VEGFC: variants seen among roughly 807,000 people sequenced by gnomAD.
VEGFC encodes the protein FLT4 ligand DHM.
Under a neutral mutation model 46.1 loss-of-function variants are expected in VEGFC, and 12 were observed. That is an observed-to-expected ratio of 0.26 (90% CI 0.17 to 0.42). The LOEUF is 0.42. Among genes scored for constraint, VEGFC ranks in the 10% least tolerant of loss-of-function variants. The pLI is 1.00. For missense variants in VEGFC, 488 were observed against 529.4 expected (o/e 0.92, Z 0.77); for synonymous variants, 232 against 195.5 (o/e 1.19, Z -1.56).
rs367633215 is a variant in VEGFC at position 176,775,585 on chromosome 4, ATGTAT to A, written c.147+16575_147+16579del. Among the ~76,000 whole-genome samples, 279 of 152,300 alleles carry A rather than the reference ATGTAT, an allele frequency of 1.8e-3. 1 individual carries two copies. Among genetic ancestry groups the A allele is most frequent in the African/African-American group, 6.5e-3 (269 of 41,568 alleles). ...AGATGAGAAGATAAGCTTATAGGCC[ATGTAT>A]TGTATTTCCAGCTGTTTTAAATTTA... is the stretch of plus-strand genomic sequence containing the variant. On this transcript the variant is annotated intron_variant, in intron 1 of 6. Transcript: ENST00000618562.
chr4:176,732,596 C>A (rs1734985908), intron 1 of VEGFC, among the ~76,000 whole-genome samples: 1 of 151,702 alleles, frequency 6.6e-6, no homozygotes, highest in Non-Finnish European at 1.5e-5. Flanking sequence ...CCCAATTTCT[C>A]CTTCAGTGGA....
At chr4:176,697,765 G>A (rs1734346812) in intron 4 of VEGFC, among the ~76,000 whole-genome samples, 1 of 151,358 alleles carries the variant, frequency 6.6e-6, no homozygotes, top group Non-Finnish European at 1.5e-5. Context: ...ACTGGATTAA[G>A]AAAATGTGGC....
chr4:176,746,483 T>G (rs1417744047), intron 1 of VEGFC, among the ~76,000 whole-genome samples: 2 of 152,092 alleles, frequency 1.3e-5, no homozygotes, highest in African/African-American at 4.8e-5. Flanking sequence ...TGCATTAATT[T>G]TTAAAGGAAA....
chr4:176,694,273 G>C (rs907185238), intron 4 of VEGFC, among the ~76,000 whole-genome samples: 7 of 151,224 alleles, frequency 4.6e-5, no homozygotes, highest in Non-Finnish European at 8.9e-5. Flanking sequence ...CAAAATAAAA[G>C]GATGGAGGAA....
At chr4:176,784,583 T>TA (rs1225418565) in intron 1 of VEGFC, among the ~76,000 whole-genome samples, 1 of 150,278 alleles carries the variant, frequency 6.7e-6, no homozygotes, top group Middle Eastern at 3.4e-3. Context: ...CCGTCTCTAC[T>TA]AAAAAAATAT....
chr4:176,696,557 G>T (rs547733196), intron 4 of VEGFC, among the ~76,000 whole-genome samples: 1 of 150,338 alleles, frequency 6.7e-6, no homozygotes, highest in African/African-American at 2.5e-5. Flanking sequence ...TGGCCATACT[G>T]CCCAAGGTAA....
intron 1 of VEGFC, among the ~76,000 whole-genome samples, chr4:176,763,796 C>CAGT (rs2110914996): frequency 6.6e-6 from 1 of 152,150 alleles, no homozygotes; most frequent in South Asian, 2.1e-4. Flanking sequence ...TTATTGTAAT[C>CAGT]AGTACTTTAG....
At position 176,792,222 on chromosome 4, in the gene VEGFC, G is replaced by C; in HGVS notation, c.90C>G (p.Ala30=). 6.4e-7 allele frequency: 1 copy of C among 1,560,084 alleles called. No homozygotes were observed. Among genetic ancestry groups the C allele is most frequent in the Non-Finnish European group, 8.7e-7 (1 of 1,155,886 alleles). ...AGAGGTCGAGTCCGGACTCGAAGGC[G>C]GCGGCGGCGGCGGGCGCCTCGCGAG... The part of the protein sequence containing the change: ...PGPREAPAAA[A]AFESGLDLSD... The change falls in exon 1 of 7, where the codon GCC becomes GCG. Residue 30 remains alanine, a synonymous_variant. Transcript: ENST00000618562. The surrounding 1 kb of genome is among the most constrained non-coding windows in gnomAD (Gnocchi z 6.3).
rs1219707472 is a variant in VEGFC, at chr4:176,763,062, A to AT, written c.147+29102_147+29103insA. ...CTCCTCCTTGGGATATAATCAGGAG[A>AT]AAGCTCTCATCCTAGTTGTGGTCTG... On this transcript the variant is annotated intron_variant, in intron 1 of 6. Coordinates refer to ENST00000618562, the MANE Select transcript of VEGFC (RefSeq NM_005429.5). Among the ~76,000 whole-genome samples, 38 of 152,384 alleles carry AT rather than the reference A, an allele frequency of 2.5e-4. 1 individual carries two copies. Among genetic ancestry groups the AT allele is most frequent in the African/African-American group, 8.9e-4 (37 of 41,596 alleles).
intron 4 of VEGFC, among the ~76,000 whole-genome samples, chr4:176,703,455 G>A (rs1257189096): frequency 6.6e-6 from 1 of 152,034 alleles, no homozygotes; most frequent in Non-Finnish European, 1.5e-5. Flanking sequence ...TAGAATGATG[G>A]TTACTAGAGT....
At chr4:176,717,146 G>A (rs2111004976) in intron 3 of VEGFC, among the ~76,000 whole-genome samples, 1 of 152,176 alleles carries the variant, frequency 6.6e-6, no homozygotes. Flanking sequence ...TGTGTCCAAT[G>A]TAGGACACAA....
At chr4:176,719,897 T>C (rs1460957741) in intron 3 of VEGFC, among the ~76,000 whole-genome samples, 1 of 151,812 alleles carries the variant, frequency 6.6e-6, no homozygotes, top group Non-Finnish European at 1.5e-5. Context: ...CCTATCTCTA[T>C]TAAAATACAA....
intron 1 of VEGFC, among the ~76,000 whole-genome samples, chr4:176,770,505 A>T (rs1335728671): frequency 1.3e-5 from 2 of 149,212 alleles, no homozygotes; most frequent in Admixed American, 1.3e-4. Context: ...GTCTCTTTTA[A>T]AACCTGACAT....
intron 1 of VEGFC, among the ~76,000 whole-genome samples, chr4:176,737,286 T>TATATAGAATATGTTTATAATATATAA (rs1735072417): frequency 2.1e-5 from 3 of 146,074 alleles, no homozygotes; most frequent in African/African-American, 7.4e-5. Flanking sequence ...GTTTATAATA[T>TATATAGAATATGTTTATAATATATAA]ATATAGAATA....
At chr4:176,689,047 G>C (rs13143169) in intron 4 of VEGFC, among the ~76,000 whole-genome samples, 66,520 of 151,936 alleles carry the variant, frequency 0.44, 14,906 homozygotes, top group African/African-American at 0.52. Context: ...TTTTAAATAT[G>C]CTAATTTACA....
At chr4:176,698,112 T>C (rs1426949033) in intron 4 of VEGFC, among the ~76,000 whole-genome samples, 1 of 151,524 alleles carries the variant, frequency 6.6e-6, no homozygotes, top group Non-Finnish European at 1.5e-5. Flanking sequence ...TGTGCACATG[T>C]ACCCTAAAAC....
intron 4 of VEGFC, among the ~76,000 whole-genome samples, chr4:176,691,157 T>C (rs979040518): frequency 6.6e-6 from 1 of 152,166 alleles, no homozygotes; most frequent in Non-Finnish European, 1.5e-5. Context: ...AAAATATTTT[T>C]ATTTTAGAAT....
intron 3 of VEGFC, among the ~76,000 whole-genome samples, chr4:176,712,861 T>C (rs1734640631): frequency 6.6e-6 from 1 of 152,212 alleles, no homozygotes; most frequent in African/African-American, 2.4e-5. Context: ...TATATATTCA[T>C]TTAAAATGTA....
chr4:176,784,063 GTTTT>G (rs66870525), intron 1 of VEGFC, among the ~76,000 whole-genome samples: 1 of 45,904 alleles, frequency 2.2e-5, no homozygotes, highest in Non-Finnish European at 9.4e-5. Flanking sequence ...TGCACATGCT[GTTTT>G]TTTTTTTTTT....
Sources: gnomAD v4.1 joint callset for allele counts (sites outside exome capture counted in the v4.1 genomes callset) on GRCh38, gnomAD v4.1.1 for gene constraint, Gnocchi (gnomAD v3.1) non-coding constraint, MANE v1.5 for transcripts, NCBI Gene and HGNC (gene_info 2026-07-23, HGNC 2026-07-21) for gene names.